GSE1: variants seen among roughly 807,000 people sequenced by gnomAD.
GSE1 encodes Gse1 coiled-coil protein.
GSE1 carries 32 observed loss-of-function variants against 112.6 expected under a neutral mutation model. The ratio of observed to expected loss-of-function variants is 0.28; its 90% CI spans 0.21 to 0.38. GSE1 has a LOEUF of 0.38. GSE1 is among the 10% of genes least tolerant of loss of function. The pLI, the probability that GSE1 is intolerant of heterozygous loss-of-function variation, is 1.00. For missense variants in GSE1, 2,348 were observed against 1,699.2 expected (o/e 1.38, Z -6.71); for synonymous variants, 1,115 against 735.6 (o/e 1.52, Z -8.35).
At chr16:85,172,336 G>A (rs775728752) in intron 1 of GSE1, among the ~76,000 whole-genome samples, 43 of 152,170 alleles carry the variant, frequency 2.8e-4, no homozygotes, top group Non-Finnish European at 4.9e-4. Flanking sequence ...GCTTTACGGC[G>A]GAGGGAAATA....
At chr16:85,434,708 C>G (rs1402111266) in intron 2 of GSE1, among the ~76,000 whole-genome samples, 1 of 152,154 alleles carries the variant, frequency 6.6e-6, no homozygotes, top group Non-Finnish European at 1.5e-5. Flanking sequence ...ATCCCAGCTA[C>G]CGGGGAGGCT....
intron 2 of GSE1, among the ~76,000 whole-genome samples, chr16:85,537,755 A>G (rs1444592424): frequency 6.6e-6 from 1 of 152,062 alleles, no homozygotes; most frequent in Non-Finnish European, 1.5e-5. Flanking sequence ...AGATGAATGA[A>G]GGACAGAAAA....
In GSE1 at chr16:85,312,204, CGG is replaced by C. The variant is rs35882426; in HGVS notation, c.2284-45247_2284-45246del. On this transcript the variant is annotated intron_variant, in intron 1 of 2. Transcript: ENST00000637419. ...CTCTGTGGTCTCTCTGATCCTCTTG[CGG>C]GGGGGGGGGGGACACACTTACCCCC... Among the ~76,000 whole-genome samples, 50 of 55,676 alleles carry C rather than the reference CGG, an allele frequency of 9.0e-4. 2 individuals are homozygous for C. Among genetic ancestry groups the C allele is most frequent in the Middle Eastern group, 7.1e-3 (1 of 140 alleles). 36.5% of individuals were successfully genotyped at this position (55,676 alleles called of 152,430 possible).
rs796772607 is a variant in GSE1, at chr16:85,508,428, C to T, written c.2465-125486C>T. ...TGCTCTGTTTCCACACCACCAGGGGCGAGAGGTGAGTTGGGACAGGATGGA... is the reference window on the plus strand; with the variant it reads ...TGCTCTGTTTCCACACCACCAGGGGTGAGAGGTGAGTTGGGACAGGATGGA... On this transcript the variant is annotated intron_variant, in intron 2 of 2. Coordinates refer to the GSE1 transcript ENST00000637419. 8.5e-5 allele frequency among the ~76,000 whole-genome samples: 13 copies of T among 152,262 alleles called. No individual in the cohort carries two copies. The East Asian group carries it at 1.4e-3, about 16-fold the overall frequency.
chr16:85,393,992 T>C (rs1567732423), intron 2 of GSE1, among the ~76,000 whole-genome samples: 1 of 151,724 alleles, frequency 6.6e-6, no homozygotes, highest in Non-Finnish European at 1.5e-5. Context: ...CGCGCCCCTC[T>C]TCTCGGGGGC....
chr16:85,427,685 AG>A (rs1229572518), intron 2 of GSE1, among the ~76,000 whole-genome samples: 2 of 151,758 alleles, frequency 1.3e-5, no homozygotes, highest in Non-Finnish European at 2.9e-5. Flanking sequence ...TACAAAAATT[AG>A]CTGGGCGTGG....
chr16:85,409,660 C>T (rs866625119), intron 2 of GSE1, among the ~76,000 whole-genome samples: 18 of 5,266 alleles, frequency 3.4e-3, no homozygotes, highest in African/African-American at 4.6e-3. Flanking sequence ...TAATCCTCAC[C>T]GTTACACTCA....
upstream of GSE1, among the ~76,000 whole-genome samples, chr16:85,609,490 T>C (rs1311620596): frequency 1.3e-5 from 2 of 152,222 alleles, no homozygotes; most frequent in African/African-American, 4.8e-5. Flanking sequence ...GCCCAGGGTT[T>C]AGTGTGTTTG....
chr16:85,447,586 G>A (rs940280597), intron 2 of GSE1, among the ~76,000 whole-genome samples: 1 of 152,196 alleles, frequency 6.6e-6, no homozygotes, highest in African/African-American at 2.4e-5. Flanking sequence ...CGCCTGCTCC[G>A]TGCCTGTTTC....
intron 2 of GSE1, among the ~76,000 whole-genome samples, chr16:85,531,471 G>A (rs375062813): frequency 5.8e-4 from 89 of 152,254 alleles, no homozygotes; most frequent in African/African-American, 2.0e-3. Context: ...GAGAGAGGGA[G>A]GAAGGAGCCC....
chr16:85,555,802 C>CT (rs1194984889), upstream of GSE1: 5 of 961,640 alleles, frequency 5.2e-6, no homozygotes, highest in African/African-American at 7.1e-5. Flanking sequence ...GTCCTGGGGG[C>CT]TGTTTTTTTT....
At position 85,296,944 on chromosome 16, in the gene GSE1, G is replaced by A. The variant is rs1250565164; in HGVS notation, c.2284-60519G>A. On this transcript the variant is annotated intron_variant, in intron 1 of 2. Transcript: ENST00000637419. The stretch of plus-strand genomic sequence containing the variant: ...GGCACGCCCAGGCTGCTCCCCCGGC[G>A]CTTCCCCGGCCAGTGCCCGATCTTT... Among the ~76,000 whole-genome samples the A allele has an allele frequency of 5.3e-5, 8 of 152,354 alleles. No individual in the cohort carries two copies. In the South Asian group the frequency reaches 6.2e-4, roughly 12 times the overall value.
At chr16:85,515,128 C>T (rs1448453485) in intron 2 of GSE1, among the ~76,000 whole-genome samples, 1 of 152,120 alleles carries the variant, frequency 6.6e-6, no homozygotes, top group Non-Finnish European at 1.5e-5. Context: ...AGGAGGCAAT[C>T]TTGCTGCTCC....
intron 2 of GSE1, among the ~76,000 whole-genome samples, chr16:85,646,979 A>T (rs1356040176): frequency 6.6e-6 from 1 of 151,884 alleles, no homozygotes; most frequent in Admixed American, 6.6e-5. Flanking sequence ...GACACCCCCT[A>T]CCCCTGCCAC....
intron 1 of GSE1, among the ~76,000 whole-genome samples, chr16:85,617,338 T>C (rs1178281031): frequency 6.6e-6 from 1 of 152,196 alleles, no homozygotes; most frequent in Non-Finnish European, 1.5e-5. Context: ...GCCTCTGGTT[T>C]ACCTTCACCT....
chr16:85,426,768 A>C (rs535041577), intron 2 of GSE1, among the ~76,000 whole-genome samples: 1 of 152,276 alleles, frequency 6.6e-6, no homozygotes, highest in East Asian at 1.9e-4. Flanking sequence ...CCACAGAAAA[A>C]TATCCTCTTA....
intron 1 of GSE1, among the ~76,000 whole-genome samples, chr16:85,185,681 G>C (rs11149716): frequency 0.47 from 71,275 of 152,162 alleles, 17,089 homozygotes; most frequent in African/African-American, 0.56. Context: ...CGTCCCCCGT[G>C]TCTGGCTCCC....
intron 8 of GSE1, among the ~76,000 whole-genome samples, chr16:85,657,913 A>G (rs781530326): frequency 6.6e-6 from 1 of 152,234 alleles, no homozygotes; most frequent in Non-Finnish European, 1.5e-5. Context: ...CAGCAGATGA[A>G]GAGTGCAAGG....
chr16:85,325,990 A>G (rs891519153), intron 1 of GSE1, among the ~76,000 whole-genome samples: 1 of 151,748 alleles, frequency 6.6e-6, no homozygotes, highest in Non-Finnish European at 1.5e-5. Context: ...CTCATGATCC[A>G]CCCGCCTCAG....
Sources: allele counts gnomAD v4.1 joint callset (sites outside exome capture counted in the v4.1 genomes callset), GRCh38; gene constraint gnomAD v4.1.1; transcripts MANE v1.5; gene names NCBI Gene and HGNC (gene_info 2026-07-23, HGNC 2026-07-21).